The following EMID1 variants were observed in gnomAD, a reference collection of about 807,000 sequenced individuals.
The protein encoded by EMID1 is EMI domain-containing protein 1.
EMID1 carries 40 observed loss-of-function variants against 60.6 expected under a neutral mutation model. The observed-to-expected ratio is 0.66, with a 90% CI of 0.51 to 0.86. The LOEUF (loss-of-function observed/expected upper bound fraction) is 0.86, where lower values mean the gene tolerates loss of function less well. Among genes scored for constraint, EMID1 ranks in the 40% least tolerant of loss-of-function variants. The pLI, the probability that EMID1 is intolerant of heterozygous loss-of-function variation, is 0.00. For synonymous variants in EMID1, 242 were observed against 231.0 expected (o/e 1.05, Z -0.43); for missense variants, 585 against 597.1 (o/e 0.98, Z 0.21).
At chr22:29,234,018 G>A in intron 10 of EMID1, 119 bp from the exon 11 acceptor site, 1 of 1,127,476 alleles carries the variant, frequency 8.9e-7, no homozygotes, top group South Asian at 1.5e-5. Flanking sequence ...CTGGGTGTAT[G>A]GTGAAGAACC....
Position 29,214,990 on chromosome 22 carries a change from CAGCG to C in EMID1, c.169_172del (p.Arg57CysfsTer9). The stretch of plus-strand genomic sequence containing the variant: ...CCATGTGCAGAATGGCACCTACCTT[CAGCG>C]AGTGCTGCAGAACTGCCCCTGGCCC... On this transcript the variant is annotated frameshift_variant, in exon 2 of 15. Coordinates refer to ENST00000334018, the MANE Select transcript of EMID1 (RefSeq NM_133455.4). LOFTEE classifies it high-confidence loss of function. 6.4e-7 allele frequency: 1 copy of C among 1,553,514 alleles called. No homozygotes were observed. The highest frequency in any genetic ancestry group is 8.7e-7 in the Non-Finnish European group (1 of 1,147,250).
chr22:29,224,440 C>A (rs866278030), intron 3 of EMID1, among the ~76,000 whole-genome samples: 1 of 152,158 alleles, frequency 6.6e-6, no homozygotes. Flanking sequence ...AAAACCAGAC[C>A]AGCCAGGGCG....
chr22:29,219,971 C>T (rs912665890), intron 3 of EMID1, among the ~76,000 whole-genome samples: 2 of 152,138 alleles, frequency 1.3e-5, no homozygotes, highest in East Asian at 1.9e-4. Flanking sequence ...GAGGGCTAAA[C>T]ATTGCAAATC....
Position 29,233,414 on chromosome 22 carries a change from A to C in EMID1, c.859A>C (p.Asn287His). ...PLLSNTFTET[N>H]NHWPQGPTGP... ...GCTGTCCAACACCTTCACTGAGACC[A>C]ACAACCACTGGCCCCAGGGACCCAC... The change falls in exon 9 of 15, where the codon AAC (asparagine) becomes CAC (histidine). Residue 287 changes from asparagine to histidine, a missense_variant. Transcript: ENST00000334018. 6.2e-7 allele frequency: 1 copy of C among 1,614,096 alleles called. No individual in the cohort carries two copies. Among genetic ancestry groups the C allele is most frequent in the Non-Finnish European group, 8.5e-7 (1 of 1,179,968 alleles).
In EMID1 at chr22:29,255,226, C is replaced by T. The variant is rs115699822; in HGVS notation, c.1204+939C>T. 604 of 1,260,942 alleles carry T rather than the reference C, an allele frequency of 4.8e-4. 3 individuals are homozygous for T. In the African/African-American group the frequency reaches 7.8e-3, roughly 16 times the overall value. 78.1% of individuals were successfully genotyped at this position (1,260,942 alleles called of 1,614,324 possible). On this transcript the variant is annotated intron_variant, in intron 14 of 14. Coordinates refer to ENST00000334018, the MANE Select transcript of EMID1 (RefSeq NM_133455.4). ...CCGCTTGGCTCCCCAGCCCAGCCCT[C>T]GGAGGCCAGACTCGCACCGTCTGCT...
chr22:29,243,616 C>G, intron 13 of EMID1, 127 bp downstream of exon 13: 2 of 1,114,974 alleles, frequency 1.8e-6, no homozygotes, highest in Non-Finnish European at 2.6e-6. Context: ...AGCCTGGTCT[C>G]CCAGGCAGGA....
chr22:29,250,059 T>A (rs1001851029), intron 13 of EMID1, among the ~76,000 whole-genome samples: 3 of 152,144 alleles, frequency 2.0e-5, no homozygotes, highest in African/African-American at 7.2e-5. Flanking sequence ...TTGGGCAACA[T>A]AGGGAGACAC....
At position 29,237,228 on chromosome 22, in the gene EMID1, G is replaced by A. The variant is rs2040986678; in HGVS notation, c.1074+2879G>A. ...GAGAGAGTCTTGCTCTGTCACCCAG[G>A]CTGTAGTGCAGTGGTGTGATCTCTG... On this transcript the variant is annotated intron_variant, in intron 12 of 14. Transcript: ENST00000334018. Among the ~76,000 whole-genome samples the A allele has an allele frequency of 2.8e-5, 4 of 143,030 alleles. 1 individual carries two copies. In the South Asian group the frequency reaches 9.2e-4, roughly 33 times the overall value. 93.8% of individuals were successfully genotyped at this position (143,030 alleles called of 152,430 possible).
At chr22:29,231,312 C>G (rs2040731642) in intron 6 of EMID1, 172 bp downstream of exon 6, 7 of 1,016,698 alleles carry the variant, frequency 6.9e-6, no homozygotes, top group Non-Finnish European at 1.0e-5. Flanking sequence ...TCCTGGGACT[C>G]CTGAATGCTG....
At chr22:29,215,374 G>A in intron 2 of EMID1, 153 bp from the exon 3 acceptor site, 2 of 841,192 alleles carry the variant, frequency 2.4e-6, no homozygotes, top group Non-Finnish European at 2.9e-6. Flanking sequence ...GGATGGAAGG[G>A]CTGAATCCCA....
intron 8 of EMID1, chr22:29,232,888 G>T (rs542580274): frequency 2.1e-4 from 37 of 179,244 alleles, no homozygotes; most frequent in African/African-American, 8.3e-4. Flanking sequence ...TCAGAGTGTG[G>T]AGCGCCAGGT....
chr22:29,226,274 G>A (rs967425530), intron 4 of EMID1: 3 of 443,386 alleles, frequency 6.8e-6, no homozygotes, highest in South Asian at 8.1e-5. Flanking sequence ...GGAGAAGCAG[G>A]CCACTCTGGA....
rs528979730 is a variant in EMID1, at chr22:29,230,340, AAAAAAAAAC to A, written c.466-672_466-664del. ...AGAGCAAGGCTCTCCATCTTGGAAA[AAAAAAAAAC>A]AAAAAAACAAACTAAGTGAAACTCT... is the stretch of plus-strand genomic sequence containing the variant. On this transcript the variant is annotated intron_variant, in intron 5 of 14. Coordinates refer to ENST00000334018, the MANE Select transcript of EMID1 (RefSeq NM_133455.4). 4.3e-3 allele frequency among the ~76,000 whole-genome samples: 652 copies of A among 152,156 alleles called. 4 individuals carry two copies. Among genetic ancestry groups the A allele is most frequent in the South Asian group, 0.015 (72 of 4,812 alleles).
In EMID1 at chr22:29,250,733, A is replaced by ATTTTTTTTTTTTTTT. The variant is rs748172215; in HGVS notation, c.1120-3449_1120-3435dup. Among the ~76,000 whole-genome samples the ATTTTTTTTTTTTTTT allele has an allele frequency of 3.6e-4, 8 of 22,476 alleles. 2 individuals carry two copies. Among genetic ancestry groups the ATTTTTTTTTTTTTTT allele is most frequent in the Non-Finnish European group, 7.2e-4 (8 of 11,148 alleles). The allele number at this position is 22,476 out of a possible 152,430, so 14.7% of individuals were successfully genotyped here. ...AGGCATGCACCACCACACCCGGCTA[A>ATTTTTTTTTTTTTTT]TTTTTTTTTTTTTTTTTTTTTTTTT... On this transcript the variant is annotated intron_variant, in intron 13 of 14. Coordinates refer to ENST00000334018, the MANE Select transcript of EMID1 (RefSeq NM_133455.4).
chr22:29,234,430 AC>A, intron 12 of EMID1, 81 bp downstream of exon 12: 1 of 1,498,008 alleles, frequency 6.7e-7, no homozygotes, highest in East Asian at 2.4e-5. Context: ...ATCCCCTGCA[AC>A]CAGAGCTTCT....
intron 12 of EMID1, among the ~76,000 whole-genome samples, chr22:29,240,520 C>G (rs2041115190): frequency 6.6e-6 from 1 of 151,936 alleles, no homozygotes; most frequent in South Asian, 2.1e-4. Context: ...GGCATAAAAC[C>G]CCTCGTGACT....
intron 4 of EMID1, among the ~76,000 whole-genome samples, chr22:29,225,652 C>T (rs2040477428): frequency 6.6e-6 from 1 of 152,212 alleles, no homozygotes; most frequent in African/African-American, 2.4e-5. Context: ...CCCTGCCCTG[C>T]CCCGCCCCAG....
rs537487893 is a variant in EMID1, at chr22:29,208,685, G to A, written c.101+2546G>A. 8.8e-4 allele frequency among the ~76,000 whole-genome samples: 134 copies of A among 152,206 alleles called. 3 individuals carry two copies. The highest frequency in any genetic ancestry group is 2.9e-4 in the Non-Finnish European group (20 of 68,028). ...GGGTAGGTGCTTTCTCTTGGAGCCT[G>A]TTTCCCCCTCTGTAAAATGCAGAAC... On this transcript the variant is annotated intron_variant, in intron 1 of 14. Coordinates refer to ENST00000334018, the MANE Select transcript of EMID1 (RefSeq NM_133455.4).
chr22:29,232,728 C>T (rs932793241), intron 8 of EMID1: 4 of 278,116 alleles, frequency 1.4e-5, no homozygotes, highest in East Asian at 1.5e-4. Flanking sequence ...ATCCAGTTCT[C>T]GGAACACTGG....
Sources: gnomAD v4.1 joint callset for allele counts (sites outside exome capture counted in the v4.1 genomes callset) on GRCh38, gnomAD v4.1.1 for gene constraint, MANE v1.5 for transcripts, NCBI Gene and HGNC (gene_info 2026-07-23, HGNC 2026-07-21) for gene names.